The following MFAP3L variants were observed in gnomAD, a reference collection of about 807,000 sequenced individuals.
MFAP3L encodes the protein microfibril associated protein 3 like, also known as microfibrillar-associated protein 3-like.
Under a neutral mutation model 20.0 loss-of-function variants are expected in MFAP3L, and 5 were observed. That is an observed-to-expected ratio of 0.25 (90% confidence interval 0.13 to 0.53). The LOEUF is 0.53. Among genes scored for constraint, MFAP3L ranks in the 20% least tolerant of loss-of-function variants. MFAP3L has a pLI of 0.96. For synonymous variants in MFAP3L, 219 were observed against 213.0 expected (o/e 1.03, Z -0.25); for missense variants, 409 against 527.5 (o/e 0.78, Z 2.20).
chr4:170,019,240 A>G (rs866677870), intron 1 of MFAP3L, among the ~76,000 whole-genome samples: 1 of 152,196 alleles, frequency 6.6e-6, no homozygotes, highest in African/African-American at 2.4e-5. Flanking sequence ...TGCTAATTTC[A>G]AGAAGGAACA....
Position 169,991,876 on chromosome 4 carries a change from C to A in MFAP3L, c.732G>T (p.Pro244=). 6.2e-7 allele frequency: 1 copy of A among 1,614,130 alleles called. No individual in the cohort carries two copies. The highest frequency in any genetic ancestry group is 2.2e-5 in the East Asian group (1 of 44,866). The change falls in exon 3 of 3, where the codon CCG becomes CCT. Residue 244 remains proline (P), a synonymous_variant. Coordinates refer to ENST00000361618, the MANE Select transcript of MFAP3L (RefSeq NM_021647.8). This position sits in a 1 kb window ranked among gnomAD's most constrained non-coding sequence, Gnocchi z 4.9. ...IEELARSVPL[P]PLIMNCRTIM... ...TAGTCCTGCAGTTCATAATGAGAGG[C>A]GGCAGAGGCACGCTCCTGGCAAGCT...
At chr4:170,006,937 T>G (rs1739074863) in intron 1 of MFAP3L, 1 of 152,306 alleles carries the variant, frequency 6.6e-6, no homozygotes, top group Non-Finnish European at 1.5e-5. Context: ...CAATCTCATC[T>G]GCCTCCCACA....
intron 1 of MFAP3L, among the ~76,000 whole-genome samples, chr4:170,020,664 G>A (rs918198060): frequency 8.3e-6 from 1 of 120,656 alleles, no homozygotes; most frequent in Non-Finnish European, 1.6e-5. Context: ...CATCTCTGGA[G>A]CCTCCTCCTC....
At chr4:169,994,078 G>A (rs1004936915) in intron 2 of MFAP3L, 2 of 720,296 alleles carry the variant, frequency 2.8e-6, no homozygotes, top group Middle Eastern at 7.1e-4. Context: ...TATAAAAGTA[G>A]ACTACAGCAG....
intron 2 of MFAP3L, among the ~76,000 whole-genome samples, chr4:169,999,021 T>C (rs559003852): frequency 6.6e-6 from 1 of 152,324 alleles, no homozygotes; most frequent in Admixed American, 6.5e-5. Context: ...ACTGAAGAGA[T>C]AGGATTCATG....
intron 1 of MFAP3L, among the ~76,000 whole-genome samples, chr4:170,015,552 G>A (rs1447104603): frequency 2.6e-5 from 4 of 152,208 alleles, no homozygotes; most frequent in Non-Finnish European, 5.9e-5. Context: ...ACAACTTCTT[G>A]TGTGTCCCTT....
At chr4:169,994,139 A>G (rs1165822543) in intron 2 of MFAP3L, 1 of 976,562 alleles carries the variant, frequency 1.0e-6, no homozygotes, top group Non-Finnish European at 1.2e-6. Context: ...CTTATTCCAT[A>G]GAGAAGACAT....
intron 1 of MFAP3L, among the ~76,000 whole-genome samples, chr4:170,025,735 G>A (rs1740312820): frequency 6.6e-6 from 1 of 151,674 alleles, no homozygotes; most frequent in Non-Finnish European, 1.5e-5. Context: ...AGCACCCACA[G>A]CCGCCCGCAC....
intron 2 of MFAP3L, chr4:170,002,371 AT>A: frequency 4.2e-6 from 2 of 471,416 alleles, no homozygotes; most frequent in Non-Finnish European, 5.5e-6. Flanking sequence ...TATTATAAGG[AT>A]TAGAAATAAT....
In MFAP3L at chr4:170,003,595, A is replaced by G. The variant is rs138171978; in HGVS notation, c.298+1985T>C. 3.5e-4 allele frequency: 267 copies of G among 756,364 alleles called. 2 individuals carry two copies. In the East Asian group the frequency reaches 0.031, roughly 88 times the overall value. 46.9% of individuals were successfully genotyped at this position (756,364 alleles called of 1,614,324 possible). ...GAAATTCAGGCCCCAGTGCTATGCT[A>G]TTCCCACAGTTCTCTTCCTCTCTAG... is the stretch of plus-strand genomic sequence containing the variant. On this transcript the variant is annotated intron_variant, in intron 2 of 2. Transcript: ENST00000361618.
chr4:170,016,228 A>G (rs1473512660), intron 1 of MFAP3L, among the ~76,000 whole-genome samples: 3 of 152,204 alleles, frequency 2.0e-5, no homozygotes, highest in African/African-American at 7.2e-5. Flanking sequence ...TTCGTCATTC[A>G]GTGTAAAAGC....
chr4:170,019,622 G>A (rs933442176), intron 1 of MFAP3L, among the ~76,000 whole-genome samples: 4 of 152,168 alleles, frequency 2.6e-5, no homozygotes, highest in African/African-American at 7.2e-5. Flanking sequence ...TTCGTAAACC[G>A]ATGAGAATGA....
At chr4:170,026,810 C>G (rs910741595), upstream of MFAP3L, 3 of 152,208 alleles carry the variant, frequency 2.0e-5, no homozygotes, top group Admixed American at 2.0e-4. Context: ...TTCTTAGGGT[C>G]CCATCCTGGG....
chr4:170,012,246 T>C (rs1340130031), intron 1 of MFAP3L, among the ~76,000 whole-genome samples: 2 of 152,176 alleles, frequency 1.3e-5, no homozygotes, highest in African/African-American at 4.8e-5. Flanking sequence ...AGTTGGCAGA[T>C]GCAAAGAGGT....
intron 2 of MFAP3L, among the ~76,000 whole-genome samples, chr4:169,993,380 G>A (rs1737882059): frequency 6.6e-6 from 1 of 152,302 alleles, no homozygotes; most frequent in Admixed American, 6.5e-5. Flanking sequence ...GAGCCGACTA[G>A]AGAAACCTCT....
At chr4:169,993,643 A>T (rs1226553105) in intron 2 of MFAP3L, 1 of 151,550 alleles carries the variant, frequency 6.6e-6, no homozygotes, top group Admixed American at 6.6e-5. Context: ...GGACGTGTCA[A>T]TGAGGTACCT....
At chr4:170,008,338 T>C (rs1395446850) in intron 1 of MFAP3L, among the ~76,000 whole-genome samples, 1 of 152,242 alleles carries the variant, frequency 6.6e-6, no homozygotes, top group East Asian at 1.9e-4. Flanking sequence ...TAAAATTCTG[T>C]GAAAACTGAT....
Position 170,002,188 on chromosome 4 carries a change from CTGAG to C in MFAP3L, c.298+3388_298+3391del, listed in dbSNP as rs1284883353. ...CTAGTTCTTCTCATATTCACTCAGT[CTGAG>C]TGAGAGGCTCTTCAACATTTTTCAC... On this transcript the variant is annotated intron_variant, in intron 2 of 2. Coordinates refer to ENST00000361618, the MANE Select transcript of MFAP3L (RefSeq NM_021647.8). 4 of 985,152 alleles carry C rather than the reference CTGAG, an allele frequency of 4.1e-6. No individual in the cohort carries two copies. The African/African-American group carries it at 7.0e-5, about 17-fold the overall frequency. The allele number at this position is 985,152 out of a possible 1,614,324, so 61.0% of individuals were successfully genotyped here.
At chr4:170,015,137 T>C (rs1286867757) in intron 1 of MFAP3L, among the ~76,000 whole-genome samples, 1 of 152,242 alleles carries the variant, frequency 6.6e-6, no homozygotes, top group East Asian at 1.9e-4. Flanking sequence ...TCTGGGGTGA[T>C]GTGTGAAGAG....
Sources: allele counts gnomAD v4.1 joint callset (sites outside exome capture counted in the v4.1 genomes callset), GRCh38; gene constraint gnomAD v4.1.1; non-coding constraint Gnocchi (gnomAD v3.1); transcripts MANE v1.5; gene names NCBI Gene and HGNC (gene_info 2026-07-23, HGNC 2026-07-21).